TENM3: variants seen among roughly 807,000 people sequenced by gnomAD.
TENM3 encodes the protein teneurin-3.
A neutral mutation model predicts 255.1 loss-of-function variants in TENM3; 63 were observed. The observed-to-expected ratio is 0.25, with a 90% CI of 0.20 to 0.30. The LOEUF (loss-of-function observed/expected upper bound fraction) is 0.30, where lower values mean the gene tolerates loss of function less well. Among genes scored for constraint, TENM3 ranks in the 10% least tolerant of loss-of-function variants. The probability of loss-of-function intolerance (pLI) is 1.00; values close to 1 mark genes in which losing one functional copy is unlikely to be tolerated. For synonymous variants in TENM3, 1,306 were observed against 1,322.3 expected (o/e 0.99, Z 0.27); for missense variants, 2,929 against 3,461.1 (o/e 0.85, Z 3.86).
rs1235175996 is a variant in TENM3, at chr4:182,235,623, G to A, written c.-75-88323G>A. Among the ~76,000 whole-genome samples, 10 of 151,984 alleles carry A rather than the reference G, an allele frequency of 6.6e-5. No homozygotes were observed. In the South Asian group the frequency reaches 1.7e-3, roughly 25 times the overall value. ...CTGGAACTACTACACACATACACAC[G>A]GGAGCCATCTCTCACAAGCTGGAAC... On this transcript the variant is annotated intron_variant, in intron 1 of 2. Coordinates refer to the TENM3 transcript ENST00000512480.
chr4:181,569,807 T>C, the TENM3 span, among the ~76,000 whole-genome samples: 1 of 152,326 alleles, frequency 6.6e-6, no homozygotes, highest in African/African-American at 2.4e-5. Flanking sequence ...AGAACTGTTT[T>C]CGTATCTTTC....
chr4:182,021,041 A>T, the TENM3 span, among the ~76,000 whole-genome samples: 1 of 151,802 alleles, frequency 6.6e-6, no homozygotes, highest in Non-Finnish European at 1.5e-5. Context: ...TGAACCTATA[A>T]CCCAAATAGT....
At chr4:182,330,651 C>T (rs1763688352) in intron 2 of TENM3, among the ~76,000 whole-genome samples, 1 of 152,184 alleles carries the variant, frequency 6.6e-6, no homozygotes, top group Admixed American at 6.5e-5. Flanking sequence ...GATTCAGAGA[C>T]CACGTCAACA....
At chr4:182,621,699 ATATAAAAT>A (rs376359148) in intron 4 of TENM3, among the ~76,000 whole-genome samples, 86,021 of 96,468 alleles carry the variant, frequency 0.89, 38,127 homozygotes, top group South Asian at 0.95. Flanking sequence ...TATATATTAT[ATATAAAAT>A]ATATAATATA....
the TENM3 span, among the ~76,000 whole-genome samples, chr4:181,853,554 G>T: frequency 6.6e-6 from 1 of 152,088 alleles, no homozygotes; most frequent in Non-Finnish European, 1.5e-5. Context: ...TTCCCTTTTG[G>T]TGAAGAGATA....
intron 12 of TENM3, among the ~76,000 whole-genome samples, chr4:182,701,210 CT>C (rs35538818): frequency 2.5e-3 from 97 of 38,642 alleles, no homozygotes; most frequent in Non-Finnish European, 3.4e-3. Context: ...CAACTCTTGA[CT>C]TTTTTTTTTT....
At chr4:181,601,144 G>C in the TENM3 span, among the ~76,000 whole-genome samples, 3 of 152,158 alleles carry the variant, frequency 2.0e-5, no homozygotes, top group African/African-American at 7.2e-5. Context: ...TATGGCTGCT[G>C]TAACCAATGA....
At chr4:181,581,681 C>T in the TENM3 span, among the ~76,000 whole-genome samples, 3 of 151,414 alleles carry the variant, frequency 2.0e-5, no homozygotes, top group Non-Finnish European at 4.4e-5. Flanking sequence ...TTATTCTGTG[C>T]GGTGAACTTC....
intron 3 of TENM3, among the ~76,000 whole-genome samples, chr4:182,539,953 G>A (rs1740694278): frequency 6.6e-6 from 1 of 152,192 alleles, no homozygotes; most frequent in African/African-American, 2.4e-5. Flanking sequence ...GGACCTTAGT[G>A]TCCTTATTGC....
chr4:181,665,842 TATTAA>T, the TENM3 span, among the ~76,000 whole-genome samples: 4 of 152,090 alleles, frequency 2.6e-5, no homozygotes, highest in Non-Finnish European at 5.9e-5. Flanking sequence ...TGAAAATTTT[TATTAA>T]ATTTCGTATA....
At position 182,743,350 on chromosome 4, in the gene TENM3, A is replaced by T; in HGVS notation, c.3560A>T (p.Tyr1187Phe). ...ALACGIDGSL[Y>F]VGDFNYVRRI... ...GCTTGTGGGATCGATGGCAGTCTGTACGTAGGCGATTTCAACTATGTGCGG... is the reference window on the plus strand; with the variant it reads ...GCTTGTGGGATCGATGGCAGTCTGTTCGTAGGCGATTTCAACTATGTGCGG... Residue 1187 changes from tyrosine to phenylalanine, a missense_variant, in exon 19 of 28, where the codon TAC (tyrosine) becomes TTC (phenylalanine). Physicochemically the swap from Tyr to Phe is conservative, Grantham distance 22 (BLOSUM62 3). Transcript: ENST00000511685. 2 of 1,614,006 alleles carry T rather than the reference A, an allele frequency of 1.2e-6. No homozygotes were observed. The highest frequency in any genetic ancestry group is 1.7e-6 in the Non-Finnish European group (2 of 1,179,882).
In TENM3 at chr4:182,276,791, G is replaced by A. The variant is rs188222959; in HGVS notation, c.-76+33315G>A. On this transcript the variant is annotated intron_variant, in intron 1 of 27. Coordinates refer to ENST00000511685, the MANE Select transcript of TENM3 (RefSeq NM_001080477.4). Reference sequence around the variant, plus strand: ...CAAAGTGACGTATTTCATATATTTCGTCTGTATGTATATATAGAGCTTTCC... The same window carrying A: ...CAAAGTGACGTATTTCATATATTTCATCTGTATGTATATATAGAGCTTTCC... Among the ~76,000 whole-genome samples the A allele has an allele frequency of 2.5e-3, 380 of 152,034 alleles. 4 individuals carry two copies. Among genetic ancestry groups the A allele is most frequent in the Admixed American group, 5.5e-3 (84 of 15,272 alleles).
intron 3 of TENM3, among the ~76,000 whole-genome samples, chr4:182,435,425 G>A (rs1000093624): frequency 5.3e-5 from 8 of 152,134 alleles, no homozygotes; most frequent in South Asian, 2.1e-4. Flanking sequence ...AGGAAAAAGC[G>A]TTTTGATTCC....
At position 182,597,318 on chromosome 4, in the gene TENM3, A is replaced by G. The variant is rs537796855; in HGVS notation, c.512-3606A>G. Among the ~76,000 whole-genome samples the G allele has an allele frequency of 3.2e-4, 48 of 152,290 alleles. 1 individual carries two copies. The South Asian group carries it at 9.3e-3, about 30-fold the overall frequency. On this transcript the variant is annotated intron_variant, in intron 3 of 27. Transcript: ENST00000511685. ...CAGCTACTTGAGAGGCTGAGGCAGG[A>G]GGATCACTTGAGCATGGGAGGTAGA...
chr4:181,451,024 A>G, the TENM3 span, among the ~76,000 whole-genome samples: 1 of 152,188 alleles, frequency 6.6e-6, no homozygotes, highest in Non-Finnish European at 1.5e-5. Context: ...ACACTGTGCT[A>G]TCATCACCGT....
intron 4 of TENM3, among the ~76,000 whole-genome samples, chr4:182,615,027 AG>A (rs1729473869): frequency 1.3e-5 from 1 of 76,590 alleles, no homozygotes; most frequent in Non-Finnish European, 2.8e-5. Context: ...CATGTTTCTC[AG>A]AAAAAAAAAA....
At chr4:182,715,915 A>T (rs1490072199) in intron 13 of TENM3, among the ~76,000 whole-genome samples, 1 of 152,216 alleles carries the variant, frequency 6.6e-6, no homozygotes. Flanking sequence ...TTGGACAGTC[A>T]AGAAACTTGA....
At chr4:182,635,217 G>C (rs962766560) in intron 5 of TENM3, among the ~76,000 whole-genome samples, 8 of 152,114 alleles carry the variant, frequency 5.3e-5, no homozygotes, top group African/African-American at 1.9e-4. Flanking sequence ...CTTTTGGCCA[G>C]GTTTTTCCTA....
chr4:181,915,657 GAGGGGAGGGGAGGACGGA>G, the TENM3 span, among the ~76,000 whole-genome samples: 9 of 146,864 alleles, frequency 6.1e-5, no homozygotes, highest in South Asian at 2.0e-3. Context: ...GAGAAGCAGA[GAGGGGAGGGGAGGACGGA>G]AGGGGAGGGG....
Sources: gnomAD v4.1 joint callset for allele counts (sites outside exome capture counted in the v4.1 genomes callset) on GRCh38, gnomAD v4.1.1 for gene constraint, MANE v1.5 for transcripts, NCBI Gene and HGNC (gene_info 2026-07-23, HGNC 2026-07-21) for gene names.